Variants in PEX5L observed in about 807,000 individuals in gnomAD.
PEX5L encodes the protein PEX5-related protein.
In PEX5L, 30 loss-of-function variants were observed where a neutral mutation model predicts 84.0. That is an observed-to-expected ratio of 0.36 (90% CI 0.27 to 0.48). PEX5L has a LOEUF of 0.48. Ranked by LOEUF, PEX5L falls within the 20% of genes least tolerant of loss-of-function variation. The pLI is 0.99. For synonymous variants in PEX5L, 270 were observed against 283.1 expected, an observed-to-expected ratio of 0.95 and a Z score of 0.46; for missense variants, 533 against 754.6, an observed-to-expected ratio of 0.71 and a Z score of 3.44.
intron 11 of PEX5L, among the ~76,000 whole-genome samples, chr3:179,811,217 ATGTGTGTGTGTGTGTG>A (rs59791968): frequency 5.3e-5 from 8 of 150,216 alleles, no homozygotes; most frequent in East Asian, 2.0e-4. Context: ...TATGGAATGT[ATGTGTGTGTGTGTGTG>A]TGTGTGTGTG....
intron 1 of PEX5L, among the ~76,000 whole-genome samples, chr3:179,985,794 C>A (rs1786756486): frequency 6.6e-6 from 1 of 152,038 alleles, no homozygotes; most frequent in African/African-American, 2.4e-5. Flanking sequence ...TCTCTGGGGG[C>A]CTTTCTGCCT....
At chr3:179,813,448 A>T (rs1577182729) in intron 10 of PEX5L, among the ~76,000 whole-genome samples, 1 of 152,170 alleles carries the variant, frequency 6.6e-6, no homozygotes, top group African/African-American at 2.4e-5. Context: ...GGGGTGGCCT[A>T]TAGTTTCATA....
chr3:179,857,860 G>C (rs1744591899), intron 8 of PEX5L, among the ~76,000 whole-genome samples: 1 of 152,082 alleles, frequency 6.6e-6, no homozygotes, highest in East Asian at 1.9e-4. Context: ...AACTCAGCTG[G>C]TCTCAACCAA....
intron 9 of PEX5L, among the ~76,000 whole-genome samples, chr3:179,819,275 C>T (rs1471748871): frequency 6.6e-6 from 1 of 152,162 alleles, no homozygotes; most frequent in Non-Finnish European, 1.5e-5. Flanking sequence ...ACTGGGACTT[C>T]ATGAGTGATT....
intron 1 of PEX5L, among the ~76,000 whole-genome samples, chr3:179,998,004 C>T (rs907250469): frequency 6.6e-6 from 1 of 152,172 alleles, no homozygotes; most frequent in African/African-American, 2.4e-5. Context: ...ACATTGATGA[C>T]ATTATGCTGA....
At chr3:179,922,670 T>G (rs1045269680) in intron 2 of PEX5L, among the ~76,000 whole-genome samples, 1 of 151,824 alleles carries the variant, frequency 6.6e-6, no homozygotes, top group Non-Finnish European at 1.5e-5. Flanking sequence ...ACCAGGCTGG[T>G]CTCAAACTCC....
At chr3:179,929,897 T>C (rs1772550350) in intron 2 of PEX5L, among the ~76,000 whole-genome samples, 2 of 152,232 alleles carry the variant, frequency 1.3e-5, no homozygotes, top group Non-Finnish European at 2.9e-5. Flanking sequence ...GACCGGGACA[T>C]AGCTGGGGCT....
chr3:180,027,525 C>G (rs1033257217), intron 1 of PEX5L, among the ~76,000 whole-genome samples: 3 of 152,136 alleles, frequency 2.0e-5, no homozygotes, highest in African/African-American at 7.2e-5. Flanking sequence ...CATGCATACA[C>G]ATAAGATTAT....
chr3:179,958,391 T>C (rs2110067368), intron 2 of PEX5L, among the ~76,000 whole-genome samples: 1 of 152,296 alleles, frequency 6.6e-6, no homozygotes, highest in African/African-American at 2.4e-5. Context: ...AAAATTCCCT[T>C]TGCCCCATTG....
chr3:179,970,558 T>C (rs980036923), intron 2 of PEX5L, among the ~76,000 whole-genome samples: 5 of 152,166 alleles, frequency 3.3e-5, no homozygotes, highest in Non-Finnish European at 7.4e-5. Context: ...AGAGATGTTT[T>C]GGCAAGTTTT....
At chr3:180,019,421 G>T (rs923068796) in intron 1 of PEX5L, among the ~76,000 whole-genome samples, 7 of 152,124 alleles carry the variant, frequency 4.6e-5, no homozygotes, top group Admixed American at 1.3e-4. Flanking sequence ...TTCTATAAAA[G>T]TGTGCTCCTG....
At chr3:179,975,189 T>C (rs930429010) in intron 1 of PEX5L, among the ~76,000 whole-genome samples, 7 of 152,028 alleles carry the variant, frequency 4.6e-5, no homozygotes, top group African/African-American at 1.7e-4. Context: ...ACCCTGTCTC[T>C]AAAATAAAGA....
chr3:180,006,366 A>ATT (rs67924478), intron 1 of PEX5L, among the ~76,000 whole-genome samples: 5,435 of 151,334 alleles, frequency 0.036, 327 homozygotes, highest in African/African-American at 0.12. Context: ...AGTTTTCATT[A>ATT]TTTTTTTTTC....
chr3:180,028,040 T>C (rs1417606234), intron 1 of PEX5L, among the ~76,000 whole-genome samples: 3 of 152,184 alleles, frequency 2.0e-5, no homozygotes. Context: ...TTTGATGACT[T>C]AGTTAAGGTG....
intron 1 of PEX5L, among the ~76,000 whole-genome samples, chr3:179,972,374 A>C (rs1365910415): frequency 6.6e-6 from 1 of 152,100 alleles, no homozygotes; most frequent in Non-Finnish European, 1.5e-5. Context: ...ATAAATTCTA[A>C]AGTTAGAAAA....
At chr3:179,944,361 G>T (rs2109850656) in intron 2 of PEX5L, among the ~76,000 whole-genome samples, 1 of 152,334 alleles carries the variant, frequency 6.6e-6, no homozygotes, top group South Asian at 2.1e-4. Flanking sequence ...GGCTCAGGTA[G>T]TCTGGGGACT....
chr3:180,035,224 A>T (rs1346165758), intron 1 of PEX5L, among the ~76,000 whole-genome samples: 1 of 152,212 alleles, frequency 6.6e-6, no homozygotes, highest in Non-Finnish European at 1.5e-5. Context: ...AAGATGAAGC[A>T]TAAAACTATA....
chr3:180,032,722 C>CATGGG (rs1331392688), intron 1 of PEX5L, among the ~76,000 whole-genome samples: 2 of 152,130 alleles, frequency 1.3e-5, no homozygotes, highest in Non-Finnish European at 2.9e-5. Context: ...GGCATGGTGG[C>CATGGG]ATGCACCTGT....
intron 2 of PEX5L, among the ~76,000 whole-genome samples, chr3:179,959,258 G>A (rs1467270250): frequency 6.6e-6 from 1 of 152,102 alleles, no homozygotes; most frequent in Non-Finnish European, 1.5e-5. Context: ...AACACGTGGA[G>A]CACTGGAAAA....
Sources: gnomAD v4.1 joint callset for allele counts (sites outside exome capture counted in the v4.1 genomes callset) on GRCh38, gnomAD v4.1.1 for gene constraint, MANE v1.5 for transcripts, NCBI Gene and HGNC (gene_info 2026-07-23, HGNC 2026-07-21) for gene names.